Variants in ASTN2 observed in about 807,000 individuals in gnomAD.
ASTN2 encodes the protein astrotactin 2, also known as astrotactin-2.
ASTN2 carries 54 observed loss-of-function variants against 139.8 expected under a neutral mutation model. The observed-to-expected ratio is 0.39, with a 90% confidence interval of 0.31 to 0.48. ASTN2 has a LOEUF of 0.48. ASTN2 is among the 20% of genes least tolerant of loss of function. ASTN2 has a pLI of 0.95. For synonymous variants in ASTN2, 756 were observed against 719.5 expected (o/e 1.05, Z -0.81); for missense variants, 1,565 against 1,725.1 (o/e 0.91, Z 1.64).
At chr9:116,725,696 G>A in intron 16 of ASTN2, 75 bp downstream of exon 16, 2 of 1,455,932 alleles carry the variant, frequency 1.4e-6, no homozygotes, top group Non-Finnish European at 1.9e-6. Flanking sequence ...ATCCAAGGCA[G>A]CTCAGTTGTC....
intron 19 of ASTN2, among the ~76,000 whole-genome samples, chr9:116,560,047 G>C (rs963648457): frequency 6.6e-6 from 1 of 152,180 alleles, no homozygotes; most frequent in African/African-American, 2.4e-5. Flanking sequence ...TGGTCTGGCT[G>C]TAATTCTATT....
At chr9:116,790,028 C>T (rs1439320445) in intron 13 of ASTN2, among the ~76,000 whole-genome samples, 1 of 148,984 alleles carries the variant, frequency 6.7e-6, no homozygotes, top group Non-Finnish European at 1.5e-5. Flanking sequence ...CTGGTTCAAG[C>T]GATTCTCCTG....
chr9:116,772,430 GC>G (rs1829976647), intron 13 of ASTN2, among the ~76,000 whole-genome samples: 1 of 152,116 alleles, frequency 6.6e-6, no homozygotes, highest in South Asian at 2.1e-4. Flanking sequence ...GGCCTCCCCA[GC>G]CATGTGGAAT....
intron 7 of ASTN2, among the ~76,000 whole-genome samples, chr9:117,005,739 C>A (rs542699836): frequency 2.0e-5 from 3 of 149,948 alleles, no homozygotes; most frequent in African/African-American, 7.4e-5. Flanking sequence ...ACATACTTCT[C>A]TCTCTCTCTC....
At chr9:117,181,433 T>C (rs1244743175) in intron 3 of ASTN2, among the ~76,000 whole-genome samples, 1 of 152,246 alleles carries the variant, frequency 6.6e-6, no homozygotes, top group African/African-American at 2.4e-5. Context: ...CATAAACTTG[T>C]TGAAGGTATT....
intron 20 of ASTN2, among the ~76,000 whole-genome samples, chr9:116,453,981 T>C (rs1369116243): frequency 6.6e-6 from 1 of 152,220 alleles, no homozygotes; most frequent in African/African-American, 2.4e-5. Flanking sequence ...TGTTGTGACC[T>C]TGGGTGAATT....
chr9:117,138,589 T>G (rs1830005159), intron 4 of ASTN2, among the ~76,000 whole-genome samples: 1 of 152,216 alleles, frequency 6.6e-6, no homozygotes, highest in Non-Finnish European at 1.5e-5. Context: ...GGGAGGGGCT[T>G]TCTCTGGTTT....
chr9:117,326,088 C>G (rs536685020), intron 1 of ASTN2, among the ~76,000 whole-genome samples: 1 of 152,056 alleles, frequency 6.6e-6, no homozygotes, highest in Non-Finnish European at 1.5e-5. Context: ...TTTGGCAGCT[C>G]TTCTAATTTT....
At chr9:117,404,329 C>T (rs1243617205) in intron 1 of ASTN2, among the ~76,000 whole-genome samples, 1 of 152,122 alleles carries the variant, frequency 6.6e-6, no homozygotes, top group East Asian at 1.9e-4. Flanking sequence ...GGTCCTCAGA[C>T]CTAGCAAAAG....
chr9:117,178,518 C>CA (rs1830974419), intron 3 of ASTN2, among the ~76,000 whole-genome samples: 1 of 152,148 alleles, frequency 6.6e-6, no homozygotes, highest in Non-Finnish European at 1.5e-5. Flanking sequence ...CCAGCATAGA[C>CA]AAAAATCAGC....
At chr9:117,120,018 G>GTGTGTACATATATATATATATATATATA (rs1306397698) in intron 4 of ASTN2, among the ~76,000 whole-genome samples, 1 of 46,000 alleles carries the variant, frequency 2.2e-5, no homozygotes, top group Non-Finnish European at 3.9e-5. Context: ...GTGTGTGTGT[G>GTGTGTACATATATATATATATATATATA]TATATATATA....
At chr9:117,336,168 G>A (rs1203920012) in intron 1 of ASTN2, among the ~76,000 whole-genome samples, 1 of 152,114 alleles carries the variant, frequency 6.6e-6, no homozygotes, top group East Asian at 1.9e-4. Flanking sequence ...GCTGGGGAAT[G>A]GTAAGAGTTT....
chr9:116,889,310 C>T (rs765754552), intron 10 of ASTN2, among the ~76,000 whole-genome samples: 18 of 152,188 alleles, frequency 1.2e-4, no homozygotes, highest in Non-Finnish European at 2.6e-4. Flanking sequence ...ATGTGGCCTT[C>T]CTCTCATATG....
chr9:116,972,345 C>T (rs1014371442), intron 10 of ASTN2, among the ~76,000 whole-genome samples: 2 of 151,938 alleles, frequency 1.3e-5, no homozygotes, highest in African/African-American at 2.4e-5. Flanking sequence ...AATGGCATTC[C>T]ATTGTGTTAT....
At chr9:116,595,428 G>T (rs1854524773) in intron 19 of ASTN2, among the ~76,000 whole-genome samples, 1 of 152,096 alleles carries the variant, frequency 6.6e-6, no homozygotes, top group African/African-American at 2.4e-5. Context: ...CCCAATTCAA[G>T]AGATTCTCCT....
At chr9:116,504,919 A>ACAC (rs1850045173) in intron 19 of ASTN2, among the ~76,000 whole-genome samples, 2 of 140,614 alleles carry the variant, frequency 1.4e-5, no homozygotes, top group Admixed American at 7.1e-5. Context: ...AAAAAACCCA[A>ACAC]AACAACAACA....
At chr9:117,175,167 T>G (rs148193202) in intron 3 of ASTN2, among the ~76,000 whole-genome samples, 277 of 152,172 alleles carry the variant, frequency 1.8e-3, no homozygotes, top group African/African-American at 6.3e-3. Context: ...GAACAATTAA[T>G]AAATGTAATA....
At chr9:117,135,334 G>C (rs1342344054) in intron 4 of ASTN2, among the ~76,000 whole-genome samples, 3 of 152,088 alleles carry the variant, frequency 2.0e-5, no homozygotes, top group East Asian at 1.9e-4. Context: ...TGGGTTATTG[G>C]GAAGTTTTAA....
rs57496415 is a variant in ASTN2, at chr9:116,549,084, C to T, written c.3356-61584G>A. On this transcript the variant is annotated intron_variant, in intron 19 of 22. Transcript: ENST00000313400. ...ATTGGACAGATGGGAAAATTGGGGC[C>T]CCAAACTAAGGGATGAGTTTAAAAC... Among the ~76,000 whole-genome samples the T allele has an allele frequency of 5.9e-5, 9 of 151,806 alleles. No homozygotes were observed. The East Asian group carries it at 1.8e-3, about 30-fold the overall frequency.
Sources: gnomAD v4.1 joint callset for allele counts (sites outside exome capture counted in the v4.1 genomes callset) on GRCh38, gnomAD v4.1.1 for gene constraint, MANE v1.5 for transcripts, NCBI Gene and HGNC (gene_info 2026-07-23, HGNC 2026-07-21) for gene names.